Variants in PDE4D observed in about 807,000 individuals in gnomAD.
The protein encoded by PDE4D is phosphodiesterase 4D.
PDE4D carries 24 observed loss-of-function variants against 87.4 expected under a neutral mutation model. The observed-to-expected ratio is 0.27, with a 90% CI of 0.20 to 0.39. PDE4D has a LOEUF of 0.39. Ranked by LOEUF, PDE4D falls within the 10% of genes least tolerant of loss-of-function variation. The probability of loss-of-function intolerance (pLI) is 1.00; values close to 1 mark genes in which losing one functional copy is unlikely to be tolerated. For synonymous variants in PDE4D, 384 were observed against 383.2 expected, an observed-to-expected ratio of 1.00 and a Z score of -0.02; for missense variants, 714 against 1,041.0, an observed-to-expected ratio of 0.69 and a Z score of 4.32.
chr5:60,096,906 T>C (rs1582633818), intron 2 of PDE4D, among the ~76,000 whole-genome samples: 1 of 152,220 alleles, frequency 6.6e-6, no homozygotes, highest in East Asian at 1.9e-4. Context: ...ACCAACACTC[T>C]TCTTTCTTTT....
chr5:59,796,997 C>T (rs1003579067), intron 1 of PDE4D: 2 of 152,144 alleles, frequency 1.3e-5, no homozygotes, highest in African/African-American at 4.8e-5. Context: ...AACTTATCCT[C>T]TCAGCTTTTA....
At chr5:60,128,323 A>G (rs2149392588) in intron 2 of PDE4D, among the ~76,000 whole-genome samples, 1 of 152,350 alleles carries the variant, frequency 6.6e-6, no homozygotes, top group African/African-American at 2.4e-5. Flanking sequence ...AGAGTGCAGT[A>G]TCATCTGACC....
intron 1 of PDE4D, among the ~76,000 whole-genome samples, chr5:59,323,260 T>C (rs1212567793): frequency 6.6e-6 from 1 of 152,124 alleles, no homozygotes; most frequent in Non-Finnish European, 1.5e-5. Context: ...TAATTCTTTC[T>C]GAGAGAGAGG....
intron 1 of PDE4D, among the ~76,000 whole-genome samples, chr5:59,610,350 C>T (rs771903221): frequency 5.3e-5 from 8 of 152,170 alleles, no homozygotes; most frequent in African/African-American, 1.7e-4. Flanking sequence ...GAAGATTAAA[C>T]ATCTAAAACC....
At chr5:59,735,644 T>A (rs1196917837) in intron 1 of PDE4D, among the ~76,000 whole-genome samples, 1 of 152,146 alleles carries the variant, frequency 6.6e-6, no homozygotes, top group Admixed American at 6.6e-5. Context: ...GCAAGCATGC[T>A]AAGCAAAATA....
chr5:59,012,336 C>T (rs1043761628), intron 6 of PDE4D, among the ~76,000 whole-genome samples: 3 of 152,070 alleles, frequency 2.0e-5, no homozygotes, highest in Admixed American at 6.5e-5. Flanking sequence ...CTAAATGTTC[C>T]AATTAAAAAA....
chr5:60,259,254 T>C (rs1053591229), intron 1 of PDE4D, among the ~76,000 whole-genome samples: 4 of 152,018 alleles, frequency 2.6e-5, no homozygotes, highest in Admixed American at 6.6e-5. Context: ...AACAGCAAAG[T>C]AGAAAAACAA....
At chr5:59,766,677 T>C (rs749151500) in intron 1 of PDE4D, among the ~76,000 whole-genome samples, 2 of 152,276 alleles carry the variant, frequency 1.3e-5, no homozygotes, top group Non-Finnish European at 2.9e-5. Context: ...TAGGAACTCA[T>C]GCCAGCTCTC....
At chr5:59,748,166 A>G (rs920055456) in intron 1 of PDE4D, among the ~76,000 whole-genome samples, 3 of 152,218 alleles carry the variant, frequency 2.0e-5, no homozygotes, top group African/African-American at 7.2e-5. Context: ...ACATGTGAGC[A>G]GAAGAATATG....
chr5:59,650,993 C>T (rs1226653968), intron 1 of PDE4D, among the ~76,000 whole-genome samples: 4 of 152,054 alleles, frequency 2.6e-5, no homozygotes, highest in Non-Finnish European at 4.4e-5. Context: ...CGGTGGCTCA[C>T]GCCTGTAATC....
chr5:59,910,792 C>T (rs535250461), intron 3 of PDE4D, among the ~76,000 whole-genome samples: 1 of 152,214 alleles, frequency 6.6e-6, no homozygotes, highest in South Asian at 2.1e-4. Context: ...ATCTCCCTGC[C>T]CCCAAAGAAC....
rs1747671188 is a variant in PDE4D, at chr5:60,245,624, A to G, written c.-89-59937T>C. ...AAAGAATGAGATTCTGTTATTTACAACAGTGTGGATGGAACTAGAGGTCAT... is the reference window on the plus strand; with the variant it reads ...AAAGAATGAGATTCTGTTATTTACAGCAGTGTGGATGGAACTAGAGGTCAT... On this transcript the variant is annotated intron_variant, in intron 1 of 16. Coordinates refer to the PDE4D transcript ENST00000502484. 2.0e-5 allele frequency among the ~76,000 whole-genome samples: 3 copies of G among 151,982 alleles called. No homozygotes were observed. The South Asian group carries it at 6.2e-4, about 31-fold the overall frequency.
chr5:59,142,994 C>A (rs1277710666), intron 5 of PDE4D, among the ~76,000 whole-genome samples: 3 of 152,130 alleles, frequency 2.0e-5, no homozygotes, highest in African/African-American at 7.2e-5. Flanking sequence ...AATTTATATT[C>A]ATGAAAAATA....
chr5:60,421,417 C>T, intron 1 of PDE4D, among the ~76,000 whole-genome samples: 1 of 152,294 alleles, frequency 6.6e-6, no homozygotes, highest in Admixed American at 6.5e-5. Context: ...GAGTGGACCT[C>T]CAGCAAAATC....
At chr5:59,065,095 C>T (rs1317433096) in intron 5 of PDE4D, among the ~76,000 whole-genome samples, 2,240 of 149,096 alleles carry the variant, frequency 0.015, 84 homozygotes, top group African/African-American at 0.049. Context: ...CACACACACA[C>T]ACACACACAC....
intron 1 of PDE4D, among the ~76,000 whole-genome samples, chr5:59,729,843 G>A (rs1757127186): frequency 1.3e-5 from 2 of 151,876 alleles, no homozygotes; most frequent in South Asian, 4.2e-4. Context: ...CTGGGCATGG[G>A]GTTGTAACCA....
intron 5 of PDE4D, among the ~76,000 whole-genome samples, chr5:59,062,137 G>C (rs1469887349): frequency 6.6e-6 from 1 of 152,096 alleles, no homozygotes; most frequent in African/African-American, 2.4e-5. Context: ...AAGAAAAACA[G>C]TATAAAAATA....
intron 3 of PDE4D, among the ~76,000 whole-genome samples, chr5:59,980,281 C>A (rs1262428762): frequency 2.0e-5 from 3 of 152,164 alleles, no homozygotes; most frequent in Non-Finnish European, 4.4e-5. Flanking sequence ...TGGAGTGGAA[C>A]AATTATTATT....
chr5:59,354,246 G>T (rs1354925584), intron 1 of PDE4D, among the ~76,000 whole-genome samples: 2 of 152,106 alleles, frequency 1.3e-5, no homozygotes, highest in African/African-American at 2.4e-5. Flanking sequence ...TCTTTCAGTT[G>T]CTTCAATAAT....
Sources: gnomAD v4.1 joint callset for allele counts (sites outside exome capture counted in the v4.1 genomes callset) on GRCh38, gnomAD v4.1.1 for gene constraint, MANE v1.5 for transcripts, NCBI Gene and HGNC (gene_info 2026-07-23, HGNC 2026-07-21) for gene names.